ILRUN: variants seen among roughly 807,000 people sequenced by gnomAD.
ILRUN encodes the protein protein ILRUN.
In ILRUN, 3 loss-of-function variants were observed where a neutral mutation model predicts 33.8. That is an observed-to-expected ratio of 0.09 (90% CI 0.04 to 0.23). The LOEUF (loss-of-function observed/expected upper bound fraction) is 0.23, where lower values mean the gene tolerates loss of function less well. Among genes scored for constraint, ILRUN ranks in the 10% least tolerant of loss-of-function variants. The pLI is 1.00. For missense variants in ILRUN, 210 were observed against 375.1 expected (o/e 0.56, Z 3.64); for synonymous variants, 124 against 138.9 (o/e 0.89, Z 0.75).
At chr6:34,683,411 T>TATATAC in intron 1 of ILRUN, among the ~76,000 whole-genome samples, 1 of 75,200 alleles carries the variant, frequency 1.3e-5, no homozygotes, top group African/African-American at 9.3e-5. Context: ...TATATACATA[T>TATATAC]ATATATACAT....
chr6:34,637,017 A>T (rs1171902031), intron 3 of ILRUN, among the ~76,000 whole-genome samples: 1 of 152,216 alleles, frequency 6.6e-6, no homozygotes, highest in Non-Finnish European at 1.5e-5. Context: ...TGAAATGAAG[A>T]TGGACCATCT....
chr6:34,616,496 G>A, intron 3 of ILRUN: 1 of 790,274 alleles, frequency 1.3e-6, no homozygotes, highest in South Asian at 1.5e-5. Context: ...CCAACAGTAG[G>A]CAGTGCAAAA....
chr6:34,688,803 C>G (rs1355787930), intron 1 of ILRUN, among the ~76,000 whole-genome samples: 2 of 151,406 alleles, frequency 1.3e-5, no homozygotes, highest in Non-Finnish European at 2.9e-5. Context: ...ACAACAACAA[C>G]AACAAGATGC....
At chr6:34,591,955 G>C (rs540061099) in intron 4 of ILRUN, among the ~76,000 whole-genome samples, 2 of 152,166 alleles carry the variant, frequency 1.3e-5, no homozygotes, top group Non-Finnish European at 2.9e-5. Context: ...CTGCTTGGCT[G>C]AGTGGAAGAA....
At chr6:34,662,124 CAAAA>C (rs57423564) in intron 1 of ILRUN, among the ~76,000 whole-genome samples, 89 of 39,910 alleles carry the variant, frequency 2.2e-3, no homozygotes, top group East Asian at 3.4e-3. Context: ...GACTCCGTCT[CAAAA>C]AAAAAAAAAA....
At chr6:34,650,778 G>A (rs1278127268) in intron 2 of ILRUN, among the ~76,000 whole-genome samples, 2 of 152,028 alleles carry the variant, frequency 1.3e-5, no homozygotes, top group East Asian at 3.9e-4. Flanking sequence ...TAAACAGTGC[G>A]CAACGTTCGC....
At chr6:34,596,009 C>A (rs1345436646) in intron 4 of ILRUN, 6 of 862,122 alleles carry the variant, frequency 7.0e-6, no homozygotes, top group Non-Finnish European at 8.4e-6. Context: ...ATTTATACTG[C>A]AAACATTGTG....
At chr6:34,595,290 AC>A (rs1761377914) in intron 4 of ILRUN, among the ~76,000 whole-genome samples, 1 of 152,248 alleles carries the variant, frequency 6.6e-6, no homozygotes, top group African/African-American at 2.4e-5. Context: ...CTAAAATTAT[AC>A]AGAAGTCAAA....
intron 4 of ILRUN, among the ~76,000 whole-genome samples, chr6:34,601,707 C>G (rs556413555): frequency 1.2e-3 from 185 of 151,630 alleles, no homozygotes; most frequent in Non-Finnish European, 1.8e-4. Flanking sequence ...CAGTACCCGC[C>G]CCCCCAACTA....
chr6:34,665,292 CA>C (rs60761039), intron 1 of ILRUN, among the ~76,000 whole-genome samples: 2,316 of 76,396 alleles, frequency 0.03, 52 homozygotes, highest in African/African-American at 0.088. Flanking sequence ...CCCTTTTCTA[CA>C]AAAAAAAAAA....
rs1166339629 is a variant in ILRUN, at chr6:34,592,664, G to A, written c.862-2064C>T. Among the ~76,000 whole-genome samples, 4 of 152,082 alleles carry A rather than the reference G, an allele frequency of 2.6e-5. No homozygotes were observed. Among genetic ancestry groups the A allele is most frequent in the Non-Finnish European group, 4.4e-5 (3 of 68,022 alleles). On this transcript the variant is annotated intron_variant, in intron 4 of 4. Coordinates refer to ENST00000374023, the MANE Select transcript of ILRUN (RefSeq NM_024294.4). The surrounding 1 kb of genome is among the most constrained non-coding windows in gnomAD (Gnocchi z 4.0). ...GCATGAGCCACTGCGCCTGGCCTTT[G>A]CCATTACTTTTAATGGCAAAAAATG...
Position 34,606,863 on chromosome 6 carries a change from A to G in ILRUN, c.553T>C (p.Leu185=), listed in dbSNP as rs375098975. The G allele has an allele frequency of 8.1e-6, 13 of 1,613,824 alleles. No homozygotes were observed. In the African/African-American group the frequency reaches 1.5e-4, roughly 18 times the overall value. The stretch of plus-strand genomic sequence containing the variant: ...GATGACAGCTGCTGCGTTACTCCTA[A>G]AAGTCCACCCACCTCCACACTGAGA... ...VILSVEVGGL[L]GVTQQLSSFE... Residue 185 remains leucine, a synonymous_variant, in exon 4 of 5, where the codon TTA becomes CTA. Transcript: ENST00000374023.
At chr6:34,627,796 C>A (rs1282561822) in intron 3 of ILRUN, among the ~76,000 whole-genome samples, 1 of 151,790 alleles carries the variant, frequency 6.6e-6, no homozygotes, top group African/African-American at 2.4e-5. Flanking sequence ...CTCCGCCTCC[C>A]TGGTTCAAGC....
intron 3 of ILRUN, among the ~76,000 whole-genome samples, chr6:34,623,194 G>A (rs1762044095): frequency 1.3e-5 from 2 of 152,130 alleles, no homozygotes; most frequent in South Asian, 4.1e-4. Flanking sequence ...TATTGCCAGT[G>A]AACTGTACAC....
rs746273212 is a variant in ILRUN at position 34,646,746 on chromosome 6, T to C, written c.366A>G (p.Gln122=). The C allele has an allele frequency of 3.1e-6, 5 of 1,614,108 alleles. No individual in the cohort carries two copies. The East Asian group carries it at 6.7e-5, about 22-fold the overall frequency. The change falls in exon 3 of 5, where the codon CAA becomes CAG. Residue 122 remains glutamine (Q), a synonymous_variant. Transcript: ENST00000374023. The surrounding 1 kb of genome is among the most constrained non-coding windows in gnomAD (Gnocchi z 4.9). ...CCATCACCATGTTCACATGTCCAAA[T>C]TGGTCTCCCCCGACATATTTAAGAC... ...GVCLKYVGGD[Q]FGHVNMVMVR...
intron 3 of ILRUN, among the ~76,000 whole-genome samples, chr6:34,610,185 A>G (rs1761719515): frequency 6.6e-6 from 1 of 151,812 alleles, no homozygotes; most frequent in Admixed American, 6.6e-5. Flanking sequence ...AAAGAAAAAG[A>G]AAAAAAAGAA....
intron 4 of ILRUN, among the ~76,000 whole-genome samples, chr6:34,602,050 T>C (rs1761520687): frequency 6.6e-6 from 1 of 152,100 alleles, no homozygotes; most frequent in African/African-American, 2.4e-5. Flanking sequence ...ATGGAAGTAA[T>C]AACAGTGGCT....
At chr6:34,595,812 G>A in intron 4 of ILRUN, 13 of 985,452 alleles carry the variant, frequency 1.3e-5, no homozygotes, top group Non-Finnish European at 1.4e-5. Flanking sequence ...GTATGGCTGA[G>A]AAATAATATG....
chr6:34,628,582 T>A (rs1472911294), intron 3 of ILRUN, among the ~76,000 whole-genome samples: 2 of 152,124 alleles, frequency 1.3e-5, no homozygotes, highest in Non-Finnish European at 1.5e-5. Context: ...TCCGCCCGCC[T>A]CGGCCTCCCA....
Sources: allele counts gnomAD v4.1 joint callset (sites outside exome capture counted in the v4.1 genomes callset), GRCh38; gene constraint gnomAD v4.1.1; non-coding constraint Gnocchi (gnomAD v3.1); transcripts MANE v1.5; gene names NCBI Gene and HGNC (gene_info 2026-07-23, HGNC 2026-07-21).